Variants in NRG3 observed in about 807,000 individuals in gnomAD.
The protein encoded by NRG3 is neuregulin 3, also known as pro-neuregulin-3, membrane-bound isoform.
Under a neutral mutation model 66.9 loss-of-function variants are expected in NRG3, and 31 were observed. The observed-to-expected ratio is 0.46, with a 90% CI of 0.35 to 0.63. NRG3 has a LOEUF of 0.63. Among genes scored for constraint, NRG3 ranks in the 20% least tolerant of loss-of-function variants. NRG3 has a pLI of 0.00. For synonymous variants in NRG3, 393 were observed against 359.4 expected (o/e 1.09, Z -1.06); for missense variants, 910 against 878.9 (o/e 1.04, Z -0.45).
intron 2 of NRG3, among the ~76,000 whole-genome samples, chr10:82,419,342 C>G (rs781084368): frequency 6.6e-6 from 1 of 152,050 alleles, no homozygotes; most frequent in Non-Finnish European, 1.5e-5. Flanking sequence ...TAACTATCTG[C>G]ACTTTCAAAT....
intron 1 of NRG3, among the ~76,000 whole-genome samples, chr10:82,043,729 G>T (rs1329952894): frequency 6.6e-6 from 1 of 151,884 alleles, no homozygotes; most frequent in Non-Finnish European, 1.5e-5. Context: ...AATACAGTAA[G>T]TCCTCACTTA....
chr10:82,643,031 A>C (rs1165052025), intron 2 of NRG3, among the ~76,000 whole-genome samples: 1 of 152,050 alleles, frequency 6.6e-6, no homozygotes, highest in Non-Finnish European at 1.5e-5. Flanking sequence ...CATTTATTAT[A>C]CTCTTCTGCC....
In NRG3 at chr10:82,147,408, A is replaced by G. The variant is rs563522742; in HGVS notation, c.824-211331A>G. On this transcript the variant is annotated intron_variant, in intron 1 of 8. Coordinates refer to ENST00000372141, the MANE Select transcript of NRG3 (RefSeq NM_001010848.4). Reference sequence around the variant, plus strand: ...GGAACCTAAATGTCCATAGGTGTCTATTTACCTGGTTGTCCTTAGTTCAGC... The same window carrying G: ...GGAACCTAAATGTCCATAGGTGTCTGTTTACCTGGTTGTCCTTAGTTCAGC... 2.6e-5 allele frequency among the ~76,000 whole-genome samples: 4 copies of G among 152,304 alleles called. No individual in the cohort carries two copies. In the South Asian group the frequency reaches 8.3e-4, roughly 32 times the overall value.
At position 82,751,773 on chromosome 10, in the gene NRG3, T is replaced by C. The variant is rs536543727; in HGVS notation, c.1027+13123T>C. ...ATATAAGAAGAACTAAATTGAGAGA[T>C]AATAGCATGACCTACCATAGAATAC... On this transcript the variant is annotated intron_variant, in intron 3 of 8. Transcript: ENST00000372141. Among the ~76,000 whole-genome samples, 88 of 152,266 alleles carry C rather than the reference T, an allele frequency of 5.8e-4. 1 individual carries two copies. In the South Asian group the frequency reaches 0.018, roughly 30 times the overall value.
At chr10:82,467,041 T>C (rs1054810105) in intron 2 of NRG3, among the ~76,000 whole-genome samples, 1 of 152,154 alleles carries the variant, frequency 6.6e-6, no homozygotes, top group Non-Finnish European at 1.5e-5. Flanking sequence ...TTGCAGAGAT[T>C]CTATCAACTT....
intron 1 of NRG3, among the ~76,000 whole-genome samples, chr10:81,877,139 G>A (rs1269214680): frequency 6.6e-6 from 1 of 152,170 alleles, no homozygotes; most frequent in Non-Finnish European, 1.5e-5. Flanking sequence ...TATACCCAAA[G>A]CATGATAGCT....
rs116840302 is a variant in NRG3, at chr10:82,363,318, A to G, written c.953+4450A>G. Among the ~76,000 whole-genome samples, 550 of 152,330 alleles carry G rather than the reference A, an allele frequency of 3.6e-3. 5 individuals are homozygous for G. Among genetic ancestry groups the G allele is most frequent in the African/African-American group, 0.013 (527 of 41,578 alleles). ...TATTTAAAGATTTTTAAAAGTGACT[A>G]CTATACCCAGTTTGGTAAGGGGGCT... On this transcript the variant is annotated intron_variant, in intron 2 of 8. Transcript: ENST00000372141.
chr10:82,724,217 G>C (rs985036198), intron 2 of NRG3, among the ~76,000 whole-genome samples: 1 of 146,012 alleles, frequency 6.8e-6, no homozygotes, highest in African/African-American at 2.7e-5. Flanking sequence ...ATAGGCCTAT[G>C]CTACTTTTTT....
intron 1 of NRG3, among the ~76,000 whole-genome samples, chr10:81,915,435 A>G (rs527359864): frequency 2.7e-5 from 4 of 149,634 alleles, no homozygotes; most frequent in South Asian, 2.1e-4. Context: ...GTGTTGGGCA[A>G]TTAGGACCTT....
At chr10:81,905,545 A>C (rs1362618780) in intron 1 of NRG3, among the ~76,000 whole-genome samples, 1 of 152,226 alleles carries the variant, frequency 6.6e-6, no homozygotes, top group Non-Finnish European at 1.5e-5. Flanking sequence ...TAGCCAAAGC[A>C]GGAGACAGAA....
At chr10:82,814,023 C>A (rs2061605489) in intron 3 of NRG3, among the ~76,000 whole-genome samples, 1 of 152,198 alleles carries the variant, frequency 6.6e-6, no homozygotes, top group Admixed American at 6.5e-5. Flanking sequence ...TGGCACGGTT[C>A]ACTCCCAGGA....
At chr10:82,482,460 A>G (rs919835951) in intron 2 of NRG3, among the ~76,000 whole-genome samples, 1 of 152,158 alleles carries the variant, frequency 6.6e-6, no homozygotes, top group Admixed American at 6.5e-5. Flanking sequence ...GTATAGTGAT[A>G]AGAGCTGTAA....
At position 81,875,450 on chromosome 10, in the gene NRG3, G is replaced by T. The variant is rs1841532542; in HGVS notation, c.110G>T (p.Gly37Val). 2 of 1,219,586 alleles carry T rather than the reference G, an allele frequency of 1.6e-6. No individual in the cohort carries two copies. The highest frequency in any genetic ancestry group is 4.0e-5 in the South Asian group (1 of 24,834). 75.5% of individuals were successfully genotyped at this position (1,219,586 alleles called of 1,614,324 possible). A position where few individuals can be genotyped will look rare whatever the true frequency, so the allele number is the denominator to read the frequency against. ...AAAAAAAAGG[G>V]PDGGGEGAAE... ...GCGGCGGCGGCAGCGGCGGGCGGGG[G>T]CCCGGACGGCGGCGGCGAAGGGGCG... Residue 37 changes from glycine to valine, a missense_variant, in exon 1 of 9, where the codon GGC (glycine) becomes GTC (valine). By Grantham distance (109) the Gly-to-Val change is moderately radical. Transcript: ENST00000372141. The surrounding 1 kb of genome is among the most constrained non-coding windows in gnomAD (Gnocchi z 5.3).
At chr10:82,053,741 T>G (rs2063708283) in intron 1 of NRG3, among the ~76,000 whole-genome samples, 1 of 152,214 alleles carries the variant, frequency 6.6e-6, no homozygotes, top group Non-Finnish European at 1.5e-5. Context: ...ATTTTTTTTG[T>G]AAGGACATAA....
intron 2 of NRG3, among the ~76,000 whole-genome samples, chr10:82,371,719 G>A (rs1195498314): frequency 6.6e-6 from 1 of 152,186 alleles, no homozygotes; most frequent in Non-Finnish European, 1.5e-5. Flanking sequence ...TTGGGCATCT[G>A]CATTTGGTGA....
At chr10:82,486,753 G>A (rs978973026) in intron 2 of NRG3, among the ~76,000 whole-genome samples, 3 of 152,124 alleles carry the variant, frequency 2.0e-5, no homozygotes, top group East Asian at 3.9e-4. Flanking sequence ...TAAGAATGGA[G>A]GAAATTCTGT....
intron 2 of NRG3, among the ~76,000 whole-genome samples, chr10:82,501,133 T>A (rs1326730234): frequency 6.6e-6 from 1 of 152,012 alleles, no homozygotes; most frequent in East Asian, 1.9e-4. Context: ...GTGAGAGGGA[T>A]CCAAGCTGGA....
intron 3 of NRG3, among the ~76,000 whole-genome samples, chr10:82,793,366 T>G (rs1290401170): frequency 6.6e-6 from 1 of 152,192 alleles, no homozygotes; most frequent in African/African-American, 2.4e-5. Flanking sequence ...ATTGGACGTA[T>G]CTGTGCTGAG....
intron 2 of NRG3, among the ~76,000 whole-genome samples, chr10:82,634,480 C>T (rs370864444): frequency 6.6e-5 from 10 of 152,190 alleles, no homozygotes; most frequent in African/African-American, 2.4e-4. Flanking sequence ...TGTCTAGTTT[C>T]ACAATAATTT....
Sources: allele counts gnomAD v4.1 joint callset (sites outside exome capture counted in the v4.1 genomes callset), GRCh38; gene constraint gnomAD v4.1.1; non-coding constraint Gnocchi (gnomAD v3.1); transcripts MANE v1.5; gene names NCBI Gene and HGNC (gene_info 2026-07-23, HGNC 2026-07-21).